Variants in KDM2A observed in about 807,000 individuals in gnomAD.
The protein encoded by KDM2A is lysine-specific demethylase 2A.
In KDM2A, 3 loss-of-function variants were observed where a neutral mutation model predicts 137.3. The observed-to-expected ratio is 0.02, with a 90% CI of 0.01 to 0.06. The LOEUF (loss-of-function observed/expected upper bound fraction) is 0.06, where lower values mean the gene tolerates loss of function less well. Ranked by LOEUF, KDM2A falls within the 10% of genes least tolerant of loss-of-function variation. The probability of loss-of-function intolerance (pLI) is 1.00; values close to 1 mark genes in which losing one functional copy is unlikely to be tolerated. For synonymous variants in KDM2A, 512 were observed against 541.5 expected (o/e 0.95, Z 0.76); for missense variants, 738 against 1,510.6 (o/e 0.49, Z 8.48).
In KDM2A at chr11:67,230,036, C is replaced by G. The variant is rs1379953798; in HGVS notation, c.1085-1530C>G. 2.0e-5 allele frequency among the ~76,000 whole-genome samples: 3 copies of G among 151,958 alleles called. No individual in the cohort carries two copies. In the East Asian group the frequency reaches 5.8e-4, roughly 29 times the overall value. ...CTAAAAATACAAAAAATTAGCTAGA[C>G]GTGGTGGCAGGCACCTGTAGTCCCA... On this transcript the variant is annotated intron_variant, in intron 11 of 20. Coordinates refer to ENST00000529006, the MANE Select transcript of KDM2A (RefSeq NM_012308.3).
chr11:67,218,182 A>AGGT (rs1466635522), intron 9 of KDM2A, among the ~76,000 whole-genome samples: 2 of 152,218 alleles, frequency 1.3e-5, no homozygotes, highest in African/African-American at 2.4e-5. Flanking sequence ...CCTGTTCTGC[A>AGGT]GGTGATACAC....
At chr11:67,209,340 A>G (rs1014028634) in intron 6 of KDM2A, among the ~76,000 whole-genome samples, 1 of 152,106 alleles carries the variant, frequency 6.6e-6, no homozygotes, top group Admixed American at 6.6e-5. Flanking sequence ...GTGATTTGCT[A>G]AATAGGAATT....
intron 2 of KDM2A, among the ~76,000 whole-genome samples, chr11:67,175,445 C>G (rs752399342): frequency 2.6e-5 from 4 of 152,152 alleles, no homozygotes; most frequent in Admixed American, 6.5e-5. Context: ...AAAAAACCAG[C>G]ACACACACAC....
At chr11:67,154,259 G>A (rs868319067) in intron 2 of KDM2A, among the ~76,000 whole-genome samples, 1 of 152,088 alleles carries the variant, frequency 6.6e-6, no homozygotes, top group Admixed American at 6.6e-5. Flanking sequence ...TGGTTTTTAC[G>A]TCTTTTAATA....
chr11:67,119,905 C>T lies in KDM2A; in HGVS notation c.-228C>T, dbSNP rs1007752603. The T allele has an allele frequency of 6.6e-6, 1 of 152,330 alleles. No individual in the cohort carries two copies. Among genetic ancestry groups the T allele is most frequent in the East Asian group, 1.9e-4 (1 of 5,182 alleles). 9.4% of individuals were successfully genotyped at this position (152,330 alleles called of 1,614,324 possible). A position where few individuals can be genotyped will look rare whatever the true frequency, so the allele number is the denominator to read the frequency against. On this transcript the variant is annotated 5_prime_UTR_variant, in exon 1 of 21. Coordinates refer to ENST00000529006, the MANE Select transcript of KDM2A (RefSeq NM_012308.3). ...AGGTTTGATTCAGCAACTGTTTGCT[C>T]CCTTTTCCTGGTCGCTCTGACCCTC... is the stretch of plus-strand genomic sequence containing the variant.
chr11:67,245,963 T>C lies in KDM2A; in HGVS notation c.1834-22T>C, dbSNP rs1160659676. The C allele has an allele frequency of 6.2e-7, 1 of 1,613,092 alleles. No homozygotes were observed. Among genetic ancestry groups the C allele is most frequent in the Non-Finnish European group, 8.5e-7 (1 of 1,179,378 alleles). ...AAAGATCTGAGTCAGTTCTCTTGGA[T>C]TCTATCTTTGTCCTCTTGTAGCCCA... is the stretch of plus-strand genomic sequence containing the variant. On this transcript the variant is annotated intron_variant, in intron 14 of 20. Coordinates refer to ENST00000529006, the MANE Select transcript of KDM2A (RefSeq NM_012308.3). This position sits in a 1 kb window ranked among gnomAD's most constrained non-coding sequence, Gnocchi z 4.1.
rs371496319 is a variant in KDM2A at position 67,181,342 on chromosome 11, G to A, written c.204G>A (p.Gln68=). 3.1e-6 allele frequency: 5 copies of A among 1,610,456 alleles called. No homozygotes were observed. Among genetic ancestry groups the A allele is most frequent in the Non-Finnish European group, 4.2e-6 (5 of 1,177,590 alleles). Residue 68 remains glutamine, a synonymous_variant, in exon 4 of 21, where the codon CAG becomes CAA. Transcript: ENST00000529006. ...CAGATTTTAATGTAGAGTATATTCA[G>A]CGGGGTGGCTTGAGAGATCCTCTGA... The part of the protein sequence containing the change: ...EGKDFNVEYI[Q]RGGLRDPLIF...
At chr11:67,128,877 G>A (rs1160255604) in intron 2 of KDM2A, among the ~76,000 whole-genome samples, 2 of 152,218 alleles carry the variant, frequency 1.3e-5, no homozygotes, top group Non-Finnish European at 2.9e-5. Context: ...CTGGATATAT[G>A]CTCTTCTTTG....
intron 5 of KDM2A, among the ~76,000 whole-genome samples, chr11:67,187,600 C>A (rs979564789): frequency 7.0e-5 from 10 of 142,880 alleles, no homozygotes; most frequent in African/African-American, 2.9e-4. Context: ...TTTGAGATGA[C>A]GTCTTGCTCT....
At chr11:67,131,676 T>C (rs1349333368) in intron 2 of KDM2A, among the ~76,000 whole-genome samples, 1 of 152,160 alleles carries the variant, frequency 6.6e-6, no homozygotes, top group Non-Finnish European at 1.5e-5. Context: ...CCTCCCAGAA[T>C]GCTGAGATTA....
At chr11:67,188,369 C>T (rs184647428) in intron 5 of KDM2A, among the ~76,000 whole-genome samples, 181 of 151,318 alleles carry the variant, frequency 1.2e-3, no homozygotes, top group Admixed American at 2.2e-3. Flanking sequence ...GTAGTCCCAG[C>T]GACTCGGGAG....
At chr11:67,195,881 A>G in intron 5 of KDM2A, 1 of 306,202 alleles carries the variant, frequency 3.3e-6, no homozygotes, top group South Asian at 3.5e-5. Context: ...CTATTTTATA[A>G]CCAGTTCTCA....
chr11:67,120,614 C>T (rs765513320), intron 1 of KDM2A, among the ~76,000 whole-genome samples: 2 of 152,128 alleles, frequency 1.3e-5, no homozygotes, highest in Non-Finnish European at 2.9e-5. Context: ...ATTTGCACCT[C>T]TGAAATTTGT....
At chr11:67,123,148 T>G (rs1370790064) in intron 2 of KDM2A, among the ~76,000 whole-genome samples, 8 of 151,860 alleles carry the variant, frequency 5.3e-5, no homozygotes, top group Non-Finnish European at 1.2e-4. Context: ...TTTCAGACTT[T>G]TTTTTTTCTT....
intron 12 of KDM2A, among the ~76,000 whole-genome samples, chr11:67,232,971 A>G (rs752064436): frequency 6.6e-6 from 1 of 151,948 alleles, no homozygotes; most frequent in Non-Finnish European, 1.5e-5. Context: ...CAGCCTCCCA[A>G]AGTGCTGGGA....
chr11:67,242,977 T>C (rs1859094756), intron 12 of KDM2A, 32 bp from the exon 13 acceptor site: 3 of 1,585,910 alleles, frequency 1.9e-6, no homozygotes, highest in Non-Finnish European at 2.6e-6. Context: ...CACCCTGCCC[T>C]GATTTTTCCT....
intron 2 of KDM2A, among the ~76,000 whole-genome samples, chr11:67,172,955 G>A (rs1268054785): frequency 1.3e-5 from 2 of 151,916 alleles, no homozygotes; most frequent in African/African-American, 4.8e-5. Context: ...AAAAATTATG[G>A]AATATTTATA....
chr11:67,199,080 G>T lies in KDM2A; in HGVS notation c.308-8430G>T, dbSNP rs185257140. Among the ~76,000 whole-genome samples, 27 of 152,254 alleles carry T rather than the reference G, an allele frequency of 1.8e-4. No individual in the cohort carries two copies. In the East Asian group the frequency reaches 5.0e-3, roughly 28 times the overall value. On this transcript the variant is annotated intron_variant, in intron 5 of 20. Coordinates refer to ENST00000529006, the MANE Select transcript of KDM2A (RefSeq NM_012308.3). Reference sequence around the variant, plus strand: ...CAGGCATGAGCCACTGCACCCAGCAGATCAGTGATCTTTGACATTACTATT... The same window carrying T: ...CAGGCATGAGCCACTGCACCCAGCATATCAGTGATCTTTGACATTACTATT...
Position 67,214,179 on chromosome 11 carries a change from T to TA in KDM2A, c.487-1160dup, listed in dbSNP as rs1858082829. On this transcript the variant is annotated intron_variant, in intron 6 of 20. Coordinates refer to ENST00000529006, the MANE Select transcript of KDM2A (RefSeq NM_012308.3). ...CCTCAGCCTCCCAAGTAGCTGGGAT[T>TA]ACAGGCATGCGCCACCATGCGCAGC... is the stretch of plus-strand genomic sequence containing the variant. Among the ~76,000 whole-genome samples the TA allele has an allele frequency of 3.4e-5, 5 of 148,956 alleles. No homozygotes were observed. The South Asian group carries it at 1.1e-3, about 32-fold the overall frequency.
Sources: gnomAD v4.1 joint callset for allele counts (sites outside exome capture counted in the v4.1 genomes callset) on GRCh38, gnomAD v4.1.1 for gene constraint, Gnocchi (gnomAD v3.1) non-coding constraint, MANE v1.5 for transcripts, NCBI Gene and HGNC (gene_info 2026-07-23, HGNC 2026-07-21) for gene names.